Variants in CSNK1G1 observed in about 807,000 individuals in gnomAD.
The protein encoded by CSNK1G1 is casein kinase 1 gamma 1.
Under a neutral mutation model 59.6 loss-of-function variants are expected in CSNK1G1, and 22 were observed. That is an observed-to-expected ratio of 0.37 (90% CI 0.26 to 0.53). The LOEUF (loss-of-function observed/expected upper bound fraction) is 0.53, where lower values mean the gene tolerates loss of function less well. CSNK1G1 is among the 20% of genes least tolerant of loss of function. CSNK1G1 has a pLI of 0.89. For missense variants in CSNK1G1, 384 were observed against 519.5 expected (o/e 0.74, Z 2.54); for synonymous variants, 179 against 177.1 (o/e 1.01, Z -0.08).
At chr15:64,247,215 T>C (rs560636132) in intron 4 of CSNK1G1, among the ~76,000 whole-genome samples, 1 of 152,200 alleles carries the variant, frequency 6.6e-6, no homozygotes, top group Admixed American at 6.5e-5. Context: ...TAAAAGACCC[T>C]AAGGAAATAC....
Position 64,206,414 on chromosome 15 carries a change from T to C in CSNK1G1, c.765+1095A>G, listed in dbSNP as rs889588793. Among the ~76,000 whole-genome samples the C allele has an allele frequency of 2.9e-4, 44 of 152,008 alleles. 1 individual carries two copies. Among genetic ancestry groups the C allele is most frequent in the African/African-American group, 1.1e-3 (44 of 41,468 alleles). ...GAGATTGCACCACTGCACTCCAGCC[T>C]GGGCAACAAAGCGAGAGTCCGTCTC... On this transcript the variant is annotated intron_variant, in intron 7 of 11. Coordinates refer to ENST00000303052, the MANE Select transcript of CSNK1G1 (RefSeq NM_022048.5).
At position 64,204,885 on chromosome 15, in the gene CSNK1G1, G is replaced by A; in HGVS notation, c.830C>T (p.Ala277Val). 3.7e-6 allele frequency: 6 copies of A among 1,609,728 alleles called. No individual in the cohort carries two copies. The highest frequency in any genetic ancestry group is 5.1e-6 in the Non-Finnish European group (6 of 1,176,058). Reference protein sequence around the residue: ...GDTKRNTPIEALCENFPEEMA... With the variant: ...GDTKRNTPIEVLCENFPEEMA... ...CCCACCTGGAAAGTTCTCACAGAGA[G>A]CTTCAATGGGAGTATTCCTTTTGGT... The change falls in exon 8 of 12, where the codon GCT (alanine) becomes GTT (valine). Residue 277 changes from alanine (A) to valine (V), a missense_variant. Ala to Val is a moderately conservative substitution (Grantham distance 64). Around this residue, in one of 3 missense-constraint regions of CSNK1G1, gnomAD observed 325 missense variants for 440.9 expected, o/e 0.74. Coordinates refer to ENST00000303052, the MANE Select transcript of CSNK1G1 (RefSeq NM_022048.5).
At chr15:64,202,187 C>A (rs1309952154) in intron 10 of CSNK1G1, among the ~76,000 whole-genome samples, 1 of 152,158 alleles carries the variant, frequency 6.6e-6, no homozygotes, top group East Asian at 1.9e-4. Context: ...CATCTCAAAT[C>A]TTGACCAGCT....
intron 4 of CSNK1G1, among the ~76,000 whole-genome samples, chr15:64,241,512 T>C (rs1474230020): frequency 6.6e-6 from 1 of 152,198 alleles, no homozygotes; most frequent in Non-Finnish European, 1.5e-5. Context: ...GTATATACTT[T>C]TCATCAGCAT....
intron 10 of CSNK1G1, among the ~76,000 whole-genome samples, chr15:64,196,884 C>T (rs2082045645): frequency 6.6e-6 from 1 of 151,306 alleles, no homozygotes; most frequent in South Asian, 2.1e-4. Context: ...TTTGTGGAAA[C>T]AAAAACGAGT....
intron 1 of CSNK1G1, among the ~76,000 whole-genome samples, chr15:64,338,057 T>A (rs1224683090): frequency 1.3e-5 from 2 of 152,252 alleles, no homozygotes; most frequent in Non-Finnish European, 2.9e-5. Context: ...AATGCTGTTA[T>A]AAAGGTACTG....
chr15:64,192,760 G>A (rs2081988328), intron 10 of CSNK1G1, among the ~76,000 whole-genome samples: 2 of 140,908 alleles, frequency 1.4e-5, no homozygotes, highest in Admixed American at 1.5e-4. Flanking sequence ...TTGGGAGGCT[G>A]AGAACCCAGG....
intron 4 of CSNK1G1, among the ~76,000 whole-genome samples, chr15:64,233,215 T>C (rs1183606023): frequency 1.3e-5 from 2 of 152,230 alleles, no homozygotes; most frequent in East Asian, 3.8e-4. Context: ...TTTGTGTTAC[T>C]GTGGGATGTA....
At chr15:64,272,780 C>T (rs1022800556) in intron 2 of CSNK1G1, among the ~76,000 whole-genome samples, 1 of 152,118 alleles carries the variant, frequency 6.6e-6, no homozygotes, top group Non-Finnish European at 1.5e-5. Flanking sequence ...GGGTCTTGCT[C>T]TGTCGCCCAG....
At chr15:64,246,495 C>T (rs1224471323) in intron 4 of CSNK1G1, among the ~76,000 whole-genome samples, 3 of 151,934 alleles carry the variant, frequency 2.0e-5, no homozygotes, top group South Asian at 2.1e-4. Context: ...TGGTGCATTG[C>T]GCCTGTAGTC....
chr15:64,295,242 T>A (rs1894958251), intron 2 of CSNK1G1, among the ~76,000 whole-genome samples: 1 of 152,210 alleles, frequency 6.6e-6, no homozygotes, highest in Non-Finnish European at 1.5e-5. Context: ...ATGCCTAGTG[T>A]TCCATTATTG....
At chr15:64,282,223 C>T (rs1442246417) in intron 2 of CSNK1G1, among the ~76,000 whole-genome samples, 5 of 151,960 alleles carry the variant, frequency 3.3e-5, no homozygotes. Context: ...ACCATCATGC[C>T]CAGCCTCTAC....
At chr15:64,254,492 C>T (rs1892265949) in intron 3 of CSNK1G1, among the ~76,000 whole-genome samples, 1 of 151,840 alleles carries the variant, frequency 6.6e-6, no homozygotes, top group Non-Finnish European at 1.5e-5. Flanking sequence ...GCTGGGATTA[C>T]AGGTATGCAC....
At chr15:64,217,134 G>A (rs1409400440) in intron 4 of CSNK1G1, among the ~76,000 whole-genome samples, 1 of 152,234 alleles carries the variant, frequency 6.6e-6, no homozygotes. Context: ...TATGCTTACT[G>A]CCATAGCCAC....
intron 10 of CSNK1G1, among the ~76,000 whole-genome samples, chr15:64,183,986 TA>T (rs2081855246): frequency 6.6e-6 from 1 of 152,108 alleles, no homozygotes; most frequent in African/African-American, 2.4e-5. Context: ...ATCTGGCTGG[TA>T]TTTTTTTTCT....
rs1893281859 is a variant in CSNK1G1 at position 64,271,170 on chromosome 15, T to A, written c.182-11929A>T. The stretch of plus-strand genomic sequence containing the variant: ...ACCTAGCTAATTTTTGTATTTTTAG[T>A]AGAGACAGGGTTTCACCATGTTGGC... On this transcript the variant is annotated intron_variant, in intron 2 of 11. Coordinates refer to ENST00000303052, the MANE Select transcript of CSNK1G1 (RefSeq NM_022048.5). 2.0e-5 allele frequency among the ~76,000 whole-genome samples: 3 copies of A among 152,152 alleles called. No individual in the cohort carries two copies. In the South Asian group the frequency reaches 6.2e-4, roughly 32 times the overall value.
intron 1 of CSNK1G1, among the ~76,000 whole-genome samples, chr15:64,321,327 C>T (rs1896555651): frequency 6.7e-6 from 1 of 149,582 alleles, no homozygotes. Context: ...GCAGTCATGG[C>T]TCACTGGAGC....
intron 4 of CSNK1G1, among the ~76,000 whole-genome samples, chr15:64,243,586 T>C (rs758917492): frequency 6.6e-6 from 1 of 152,006 alleles, no homozygotes; most frequent in African/African-American, 2.4e-5. Flanking sequence ...GGCATCCAAA[T>C]TGAAAAGGAG....
At chr15:64,195,446 C>T (rs575455157) in intron 10 of CSNK1G1, among the ~76,000 whole-genome samples, 3 of 152,260 alleles carry the variant, frequency 2.0e-5, no homozygotes, top group East Asian at 1.9e-4. Flanking sequence ...GTAGCATTTA[C>T]GTAAGGATTG....
Sources: gnomAD v4.1 joint callset for allele counts (sites outside exome capture counted in the v4.1 genomes callset) on GRCh38, gnomAD v4.1.1 for gene constraint, gnomAD v4.1.1 regional missense constraint, MANE v1.5 for transcripts, NCBI Gene and HGNC (gene_info 2026-07-23, HGNC 2026-07-21) for gene names.